AJAP1: variants seen among roughly 807,000 people sequenced by gnomAD.
The protein encoded by AJAP1 is adherens junction-associated protein 1.
Under a neutral mutation model 35.0 loss-of-function variants are expected in AJAP1, and 5 were observed. That is an observed-to-expected ratio of 0.14 (90% CI 0.07 to 0.30). The LOEUF is 0.30. Among genes scored for constraint, AJAP1 ranks in the 10% least tolerant of loss-of-function variants. The pLI is 1.00. For synonymous variants in AJAP1, 284 were observed against 249.3 expected (o/e 1.14, Z -1.31); for missense variants, 586 against 571.0 (o/e 1.03, Z -0.27).
intron 1 of AJAP1, among the ~76,000 whole-genome samples, chr1:4,697,290 G>A (rs113422680): frequency 0.019 from 2,964 of 152,342 alleles, 94 homozygotes; most frequent in African/African-American, 0.066. Context: ...GATTAGATTC[G>A]TCCTGGGTGC....
intron 1 of AJAP1, among the ~76,000 whole-genome samples, chr1:4,697,362 G>T (rs1486444220): frequency 6.6e-6 from 1 of 152,248 alleles, no homozygotes; most frequent in African/African-American, 2.4e-5. Flanking sequence ...TTGTGGCTTC[G>T]CACAAGGAAT....
intron 2 of AJAP1, among the ~76,000 whole-genome samples, chr1:4,714,760 A>G (rs1420589259): frequency 6.6e-6 from 1 of 152,196 alleles, no homozygotes; most frequent in Non-Finnish European, 1.5e-5. Flanking sequence ...GCCACAGGGA[A>G]GGGAACAGGT....
At chr1:4,739,217 G>C (rs889593490) in intron 2 of AJAP1, among the ~76,000 whole-genome samples, 2 of 152,230 alleles carry the variant, frequency 1.3e-5, no homozygotes, top group Non-Finnish European at 2.9e-5. Flanking sequence ...GGCGGGGAAA[G>C]ACGATCTCAC....
In AJAP1 at chr1:4,712,464, G is replaced by A. The variant is rs370401960; in HGVS notation, c.594G>A (p.Pro198=). 1.2e-5 allele frequency: 20 copies of A among 1,610,764 alleles called. No individual in the cohort carries two copies. The African/African-American group carries it at 2.1e-4, about 17-fold the overall frequency. The change falls in exon 2 of 6, where the codon CCG becomes CCA. Residue 198 remains proline, a synonymous_variant. Transcript: ENST00000378191. ...AGGCCCTGGAGTCCAACACATTTCC[G>A]GGCGTTTACGGCCCCACCACGGTCT... The part of the protein sequence containing the change: ...DEEALESNTF[P]GVYGPTTVSI...
intron 2 of AJAP1, among the ~76,000 whole-genome samples, chr1:4,736,342 TC>T (rs1311781205): frequency 6.6e-6 from 1 of 152,220 alleles, no homozygotes; most frequent in Non-Finnish European, 1.5e-5. Flanking sequence ...TCCCTTGGCC[TC>T]CTGTTGCCCG....
At chr1:4,682,574 C>A (rs188025734) in intron 1 of AJAP1, among the ~76,000 whole-genome samples, 1 of 152,300 alleles carries the variant, frequency 6.6e-6, no homozygotes, top group African/African-American at 2.4e-5. Flanking sequence ...GATCTCTACC[C>A]AAGACTGCAT....
At chr1:4,669,984 C>T (rs775001145) in intron 1 of AJAP1, among the ~76,000 whole-genome samples, 4 of 152,208 alleles carry the variant, frequency 2.6e-5, no homozygotes, top group African/African-American at 7.2e-5. Flanking sequence ...CTAGTTACGG[C>T]ACTGCTACAG....
chr1:4,760,906 A>T (rs879092), intron 2 of AJAP1, among the ~76,000 whole-genome samples: 13,051 of 152,244 alleles, frequency 0.086, 667 homozygotes, highest in East Asian at 0.18. Flanking sequence ...GTAGGCCAGG[A>T]GTCACAAACT....
At chr1:4,747,266 T>C (rs1641209152) in intron 2 of AJAP1, among the ~76,000 whole-genome samples, 1 of 152,152 alleles carries the variant, frequency 6.6e-6, no homozygotes, top group African/African-American at 2.4e-5. Flanking sequence ...CCTCTCCACT[T>C]GCCCACACTC....
At chr1:4,746,689 G>A (rs1429117521) in intron 2 of AJAP1, among the ~76,000 whole-genome samples, 2 of 152,236 alleles carry the variant, frequency 1.3e-5, no homozygotes, top group Non-Finnish European at 2.9e-5. Context: ...ACAAACAACT[G>A]CTATTGAATT....
intron 1 of AJAP1, among the ~76,000 whole-genome samples, chr1:4,707,963 G>GTTTTTT (rs774086340): frequency 7.9e-6 from 1 of 126,158 alleles, no homozygotes; most frequent in Admixed American, 8.7e-5. Flanking sequence ...TGGGCGGTAC[G>GTTTTTT]TTTTTTTTTT....
rs1464100536 is a variant in AJAP1 at position 4,782,767 on chromosome 1, G to GAAGA, written c.*286_*289dup. The GAAGA allele has an allele frequency of 2.8e-5, 11 of 398,632 alleles. No homozygotes were observed. In the East Asian group the frequency reaches 3.9e-4, roughly 14 times the overall value. 24.7% of individuals were successfully genotyped at this position (398,632 alleles called of 1,614,324 possible). ...CAGAGTTTTCTTTGGAGAACAGAAA[G>GAAGA]AAGAAAGGAAAGAAAGGAACCAGAG... On this transcript the variant is annotated 3_prime_UTR_variant, in exon 6 of 6. Coordinates refer to ENST00000378191, the MANE Select transcript of AJAP1 (RefSeq NM_018836.4). The surrounding 1 kb of genome is among the most constrained non-coding windows in gnomAD (Gnocchi z 5.3).
chr1:4,722,628 C>A (rs1640548485), intron 2 of AJAP1, among the ~76,000 whole-genome samples: 1 of 152,172 alleles, frequency 6.6e-6, no homozygotes, highest in Non-Finnish European at 1.5e-5. Context: ...GGGCTGTGGT[C>A]CCTCCGGAGG....
intron 1 of AJAP1, among the ~76,000 whole-genome samples, chr1:4,657,920 A>G (rs1638917268): frequency 6.6e-6 from 1 of 152,150 alleles, no homozygotes; most frequent in Non-Finnish European, 1.5e-5. Flanking sequence ...CAGAGCTCCA[A>G]AGATACTTTC....
intron 2 of AJAP1, among the ~76,000 whole-genome samples, chr1:4,755,767 A>T (rs549458): frequency 0.11 from 16,852 of 152,018 alleles, 1,739 homozygotes; most frequent in African/African-American, 0.28. Context: ...GGCTCAACTT[A>T]GAACACAGCC....
chr1:4,744,819 G>C (rs1000932742), intron 2 of AJAP1, among the ~76,000 whole-genome samples: 5 of 152,128 alleles, frequency 3.3e-5, no homozygotes, highest in African/African-American at 1.2e-4. Context: ...CAAATACCAG[G>C]CCAGACATGA....
intron 2 of AJAP1, among the ~76,000 whole-genome samples, chr1:4,733,341 G>A (rs2100301925): frequency 6.6e-6 from 1 of 152,046 alleles, no homozygotes; most frequent in Admixed American, 6.6e-5. Context: ...CCAAAGCCTG[G>A]GTTTAGAACC....
intron 1 of AJAP1, among the ~76,000 whole-genome samples, chr1:4,700,327 G>A (rs1302242652): frequency 6.6e-6 from 1 of 152,112 alleles, no homozygotes; most frequent in Non-Finnish European, 1.5e-5. Context: ...GATGTACCCT[G>A]GGGTCTTCCA....
chr1:4,771,218 C>T (rs1482529732), intron 3 of AJAP1, among the ~76,000 whole-genome samples: 3 of 152,184 alleles, frequency 2.0e-5, no homozygotes, highest in Admixed American at 6.5e-5. Context: ...ATGAACCTGA[C>T]CTCCCTCTGA....
Sources: allele counts gnomAD v4.1 joint callset (sites outside exome capture counted in the v4.1 genomes callset), GRCh38; gene constraint gnomAD v4.1.1; non-coding constraint Gnocchi (gnomAD v3.1); transcripts MANE v1.5; gene names NCBI Gene and HGNC (gene_info 2026-07-23, HGNC 2026-07-21).